RGS7: variants seen among roughly 807,000 people sequenced by gnomAD.
RGS7 encodes the protein regulator of G-protein signaling 7.
Under a neutral mutation model 81.1 loss-of-function variants are expected in RGS7, and 27 were observed. The ratio of observed to expected loss-of-function variants is 0.33; its 90% CI spans 0.25 to 0.46. RGS7 has a LOEUF of 0.46. Among genes scored for constraint, RGS7 ranks in the 20% least tolerant of loss-of-function variants. The probability of loss-of-function intolerance (pLI) is 1.00; values close to 1 mark genes in which losing one functional copy is unlikely to be tolerated. For missense variants in RGS7, 396 were observed against 607.4 expected (o/e 0.65, Z 3.66); for synonymous variants, 208 against 207.7 (o/e 1.00, Z -0.01).
intron 4 of RGS7, among the ~76,000 whole-genome samples, chr1:240,979,191 G>A (rs1038863884): frequency 6.6e-6 from 1 of 152,236 alleles, no homozygotes; most frequent in East Asian, 1.9e-4. Context: ...GCTGGGAAAA[G>A]TATTGTAGTT....
At chr1:241,235,677 T>C (rs1218471549) in intron 2 of RGS7, among the ~76,000 whole-genome samples, 2 of 73,942 alleles carry the variant, frequency 2.7e-5, no homozygotes, top group Non-Finnish European at 6.0e-5. Flanking sequence ...TCTCTCTCTC[T>C]TTCTTTCTCT....
chr1:240,828,070 T>C (rs1366284631), intron 9 of RGS7, among the ~76,000 whole-genome samples: 1 of 152,064 alleles, frequency 6.6e-6, no homozygotes, highest in Non-Finnish European at 1.5e-5. Flanking sequence ...ATGTGAAAGA[T>C]GGAGAAAGAA....
intron 3 of RGS7, chr1:240,998,613 G>T: frequency 1.1e-6 from 1 of 878,066 alleles, no homozygotes; most frequent in Non-Finnish European, 1.9e-6. Context: ...CCCCTACATT[G>T]CAGAGGAGGC....
At chr1:240,965,102 G>A (rs1264882484) in intron 4 of RGS7, among the ~76,000 whole-genome samples, 2 of 152,084 alleles carry the variant, frequency 1.3e-5, no homozygotes, top group Non-Finnish European at 2.9e-5. Flanking sequence ...CTTTACCTTT[G>A]CTTCTCTCAA....
At chr1:240,892,323 T>C (rs1668407895) in intron 6 of RGS7, among the ~76,000 whole-genome samples, 1 of 152,198 alleles carries the variant, frequency 6.6e-6, no homozygotes, top group South Asian at 2.1e-4. Flanking sequence ...CTTACAATTA[T>C]GTCCCTTAAA....
intron 15 of RGS7, among the ~76,000 whole-genome samples, chr1:240,805,028 G>C (rs1334104696): frequency 6.6e-6 from 1 of 152,088 alleles, no homozygotes; most frequent in African/African-American, 2.4e-5. Context: ...TTCTCCAAAA[G>C]AAGTTTAAGA....
chr1:240,873,612 C>A (rs542253883), intron 6 of RGS7, among the ~76,000 whole-genome samples: 15 of 152,218 alleles, frequency 9.9e-5, no homozygotes, highest in African/African-American at 3.6e-4. Context: ...TGAGTGCTGA[C>A]GTCAGGTCTT....
chr1:240,932,815 G>A (rs915841667), intron 5 of RGS7, among the ~76,000 whole-genome samples: 25 of 143,474 alleles, frequency 1.7e-4, no homozygotes, highest in Middle Eastern at 3.9e-3. Context: ...GCCTAAAAAC[G>A]ATTTTCTGAT....
At chr1:241,334,503 G>C (rs867841104) in intron 2 of RGS7, among the ~76,000 whole-genome samples, 4 of 152,156 alleles carry the variant, frequency 2.6e-5, no homozygotes, top group African/African-American at 9.7e-5. Flanking sequence ...CCACCTCTCA[G>C]AAGAGGAAAC....
At chr1:241,150,686 A>G (rs1031289360) in intron 2 of RGS7, among the ~76,000 whole-genome samples, 2 of 152,238 alleles carry the variant, frequency 1.3e-5, no homozygotes, top group Non-Finnish European at 2.9e-5. Context: ...GACTGAATCA[A>G]TAGAATACAG....
intron 2 of RGS7, among the ~76,000 whole-genome samples, chr1:241,231,625 C>T (rs551560075): frequency 1.4e-4 from 22 of 152,238 alleles, no homozygotes; most frequent in African/African-American, 4.6e-4. Context: ...TCTCAAAGTG[C>T]TGGGATTACA....
At chr1:241,138,873 G>A (rs375121296) in intron 2 of RGS7, among the ~76,000 whole-genome samples, 24 of 151,266 alleles carry the variant, frequency 1.6e-4, no homozygotes, top group Non-Finnish European at 2.2e-4. Context: ...CTAAACAAAC[G>A]CACCAGGCAT....
intron 9 of RGS7, among the ~76,000 whole-genome samples, chr1:240,828,031 C>A (rs562912364): frequency 2.6e-5 from 4 of 152,222 alleles, no homozygotes; most frequent in East Asian, 3.9e-4. Flanking sequence ...TTGCCATAGA[C>A]AGAATGTGCA....
chr1:241,257,869 C>T (rs947220676), intron 2 of RGS7, among the ~76,000 whole-genome samples: 10 of 152,064 alleles, frequency 6.6e-5, no homozygotes, highest in African/African-American at 2.2e-4. Context: ...AGACCAAACA[C>T]GACATAGACT....
chr1:241,106,752 C>CCACCACACACACACACACACACACACACA, intron 2 of RGS7, among the ~76,000 whole-genome samples: 1 of 121,644 alleles, frequency 8.2e-6, no homozygotes, highest in African/African-American at 3.3e-5. Flanking sequence ...AACACCACCA[C>CCACCACACACACACACACACACACACACA]CACACACACA....
chr1:241,136,318 C>G (rs60657258), intron 2 of RGS7, among the ~76,000 whole-genome samples: 1,937 of 152,286 alleles, frequency 0.013, 24 homozygotes, highest in African/African-American at 0.044. Context: ...CTGACTGAGT[C>G]TTTTTCTAAG....
intron 6 of RGS7, among the ~76,000 whole-genome samples, chr1:240,910,525 G>A (rs1294371679): frequency 6.6e-6 from 1 of 152,116 alleles, no homozygotes; most frequent in Non-Finnish European, 1.5e-5. Flanking sequence ...GTGTTCTGTA[G>A]CACTGTAACA....
At chr1:240,809,145 T>C (rs1031255676) in intron 14 of RGS7, among the ~76,000 whole-genome samples, 5 of 152,180 alleles carry the variant, frequency 3.3e-5, no homozygotes, top group Non-Finnish European at 7.3e-5. Context: ...GATATTACTA[T>C]GTTTTCTTAG....
intron 4 of RGS7, among the ~76,000 whole-genome samples, chr1:240,945,732 G>A (rs908043848): frequency 6.6e-6 from 1 of 152,190 alleles, no homozygotes; most frequent in African/African-American, 2.4e-5. Context: ...CTTGAATTGA[G>A]AAAAGTGTGT....
Sources: allele counts gnomAD v4.1 joint callset (sites outside exome capture counted in the v4.1 genomes callset), GRCh38; gene constraint gnomAD v4.1.1; transcripts MANE v1.5; gene names NCBI Gene and HGNC (gene_info 2026-07-23, HGNC 2026-07-21).